Variants in MARCHF8 observed in about 807,000 individuals in gnomAD.
The protein encoded by MARCHF8 is E3 ubiquitin-protein ligase MARCHF8.
MARCHF8 carries 40 observed loss-of-function variants against 51.6 expected under a neutral mutation model. That is an observed-to-expected ratio of 0.77 (90% CI 0.60 to 1.01). The LOEUF (loss-of-function observed/expected upper bound fraction) is 1.01. MARCHF8 is among the 50% of genes least tolerant of loss of function. MARCHF8 has a pLI of 0.00. For missense variants in MARCHF8, 685 were observed against 708.6 expected, an observed-to-expected ratio of 0.97 and a Z score of 0.38; for synonymous variants, 263 against 280.3, an observed-to-expected ratio of 0.94 and a Z score of 0.62.
chr10:45,508,433 C>T (rs1045056284), intron 2 of MARCHF8, among the ~76,000 whole-genome samples: 67 of 151,770 alleles, frequency 4.4e-4, no homozygotes, highest in African/African-American at 1.4e-3. Context: ...TTTGTCAATG[C>T]TCTCACTGTC....
At chr10:45,492,042 C>A (rs1027165074) in intron 2 of MARCHF8, among the ~76,000 whole-genome samples, 7 of 152,194 alleles carry the variant, frequency 4.6e-5, no homozygotes, top group Non-Finnish European at 1.0e-4. Flanking sequence ...CTGTTCCTTA[C>A]CCTTTAAGAA....
At chr10:45,587,244 C>T (rs2044628336) in intron 1 of MARCHF8, among the ~76,000 whole-genome samples, 1 of 152,046 alleles carries the variant, frequency 6.6e-6, no homozygotes, top group African/African-American at 2.4e-5. Flanking sequence ...AGAAAGGCTA[C>T]AAGACACAAA....
chr10:45,594,207 G>C (rs895404900), intron 1 of MARCHF8: 2 of 152,220 alleles, frequency 1.3e-5, no homozygotes, highest in Non-Finnish European at 2.9e-5. Flanking sequence ...CCAAAGAAAA[G>C]TTAGCAATTA....
At chr10:45,543,405 T>C (rs1454453451) in intron 1 of MARCHF8, among the ~76,000 whole-genome samples, 1 of 152,206 alleles carries the variant, frequency 6.6e-6, no homozygotes, top group Non-Finnish European at 1.5e-5. Flanking sequence ...TCAGACTTTA[T>C]TGAATTTAAA....
At chr10:45,501,733 A>C (rs1374174741) in intron 2 of MARCHF8, among the ~76,000 whole-genome samples, 2 of 152,150 alleles carry the variant, frequency 1.3e-5, no homozygotes, top group Non-Finnish European at 2.9e-5. Context: ...AATATTTGCA[A>C]ATGAATATCC....
chr10:45,570,773 T>C (rs1031881568), intron 1 of MARCHF8, among the ~76,000 whole-genome samples: 1 of 152,180 alleles, frequency 6.6e-6, no homozygotes, highest in African/African-American at 2.4e-5. Flanking sequence ...AGTTGCAGGA[T>C]GGCAGGTCAA....
At chr10:45,518,444 C>A (rs1042455188) in intron 2 of MARCHF8, among the ~76,000 whole-genome samples, 2 of 152,170 alleles carry the variant, frequency 1.3e-5, no homozygotes, top group African/African-American at 4.8e-5. Context: ...CTTGAGGCAG[C>A]AGGAAAGTAT....
Position 45,496,685 on chromosome 10 carries a change from G to C in MARCHF8, c.103-7268C>G, listed in dbSNP as rs181185412. Among the ~76,000 whole-genome samples, 247 of 152,048 alleles carry C rather than the reference G, an allele frequency of 1.6e-3. 1 individual carries two copies. Among genetic ancestry groups the C allele is most frequent in the African/African-American group, 5.3e-3 (219 of 41,512 alleles). The stretch of plus-strand genomic sequence containing the variant: ...AATAGATATGTATAAACAATAATTA[G>C]TAAAGAAATAGAGGTACATAGGAGG... On this transcript the variant is annotated intron_variant, in intron 2 of 7. Coordinates refer to ENST00000453424, the MANE Select transcript of MARCHF8 (RefSeq NM_001282866.2).
intron 3 of MARCHF8, among the ~76,000 whole-genome samples, chr10:45,483,349 A>T (rs566329643): frequency 2.6e-5 from 4 of 152,362 alleles, no homozygotes; most frequent in Admixed American, 6.5e-5. Flanking sequence ...ATTTCTCAAA[A>T]AAAGACATGT....
intron 3 of MARCHF8, among the ~76,000 whole-genome samples, chr10:45,472,019 G>C (rs1417204006): frequency 2.6e-5 from 4 of 152,238 alleles, no homozygotes; most frequent in African/African-American, 9.6e-5. Context: ...GGCCCAAGAT[G>C]CACAGAACTC....
At position 45,463,478 on chromosome 10, in the gene MARCHF8, C is replaced by T. The variant is rs1011864627; in HGVS notation, c.761G>A (p.Arg254Gln). 16 of 1,550,508 alleles carry T rather than the reference C, an allele frequency of 1.0e-5. No individual in the cohort carries two copies. Among genetic ancestry groups the T allele is most frequent in the African/African-American group, 4.1e-5 (3 of 73,054 alleles). The change falls in exon 5 of 8, where the codon CGA becomes CAA. Residue 254 changes from arginine to glutamine, a missense_variant. Physicochemically the swap from Arg to Gln is conservative, Grantham distance 43. Coordinates refer to ENST00000453424, the MANE Select transcript of MARCHF8 (RefSeq NM_001282866.2). ...CAGGTACTGGAGCAGTTGCCGGCTT[C>T]GGGACGTGGCCTCACCATCCGCCTT... is the stretch of plus-strand genomic sequence containing the variant. The part of the protein sequence containing the change: ...EEKADGEATS[R>Q]SRQLLQYLFS...
intron 1 of MARCHF8, among the ~76,000 whole-genome samples, chr10:45,544,813 TTATAA>T (rs67201058): frequency 0.24 from 36,724 of 151,836 alleles, 4,554 homozygotes; most frequent in South Asian, 0.37. Context: ...AATTGTACAC[TTATAA>T]TAGGTGAATT....
intron 2 of MARCHF8, 87 bp downstream of exon 2, chr10:45,533,023 A>C: frequency 2.0e-6 from 2 of 989,640 alleles, no homozygotes; most frequent in Non-Finnish European, 2.8e-6. Context: ...AGAAAACCTG[A>C]CCTTTAGAGT....
At chr10:45,472,741 C>T (rs563451277) in intron 3 of MARCHF8, among the ~76,000 whole-genome samples, 1 of 152,206 alleles carries the variant, frequency 6.6e-6, no homozygotes. Flanking sequence ...AAAAACTAAA[C>T]TGTAACAGTC....
At chr10:45,553,597 A>G (rs2044219304) in intron 1 of MARCHF8, among the ~76,000 whole-genome samples, 1 of 152,260 alleles carries the variant, frequency 6.6e-6, no homozygotes, top group Non-Finnish European at 1.5e-5. Context: ...TCTAACAGCA[A>G]GACACTAAAG....
intron 1 of MARCHF8, among the ~76,000 whole-genome samples, chr10:45,553,862 T>G (rs980651127): frequency 1.3e-5 from 2 of 152,140 alleles, no homozygotes; most frequent in Admixed American, 6.5e-5. Context: ...CTCTTGCTCA[T>G]GTTTTAAATG....
At chr10:45,510,196 A>G (rs1308965342) in intron 2 of MARCHF8, among the ~76,000 whole-genome samples, 2 of 152,162 alleles carry the variant, frequency 1.3e-5, no homozygotes, top group African/African-American at 2.4e-5. Flanking sequence ...CCAGCAAGAG[A>G]GGCCACACCA....
intron 1 of MARCHF8, among the ~76,000 whole-genome samples, chr10:45,546,138 T>TTTA (rs2044118123): frequency 6.8e-6 from 1 of 147,688 alleles, no homozygotes; most frequent in Admixed American, 6.7e-5. Context: ...TGAGCTGAAT[T>TTTA]TTTATTTATT....
At chr10:45,512,047 G>A (rs1052720812) in intron 2 of MARCHF8, among the ~76,000 whole-genome samples, 25 of 150,750 alleles carry the variant, frequency 1.7e-4, no homozygotes, top group African/African-American at 4.4e-4. Flanking sequence ...AGTAAGGAGC[G>A]TCTCTGCCCG....
Sources: gnomAD v4.1 joint callset for allele counts (sites outside exome capture counted in the v4.1 genomes callset) on GRCh38, gnomAD v4.1.1 for gene constraint, MANE v1.5 for transcripts, NCBI Gene and HGNC (gene_info 2026-07-23, HGNC 2026-07-21) for gene names.